TASP1: variants seen among roughly 807,000 people sequenced by gnomAD.
The protein encoded by TASP1 is threonine aspartase 1.
In TASP1, 16 loss-of-function variants were observed where a neutral mutation model predicts 56.6. The ratio of observed to expected loss-of-function variants is 0.28; its 90% confidence interval spans 0.19 to 0.43. TASP1 has a LOEUF of 0.43. Among genes scored for constraint, TASP1 ranks in the 20% least tolerant of loss-of-function variants. TASP1 has a pLI of 1.00. For synonymous variants in TASP1, 179 were observed against 184.2 expected (o/e 0.97, Z 0.23); for missense variants, 393 against 511.6 (o/e 0.77, Z 2.24).
chr20:13,403,782 T>G (rs998095944), intron 13 of TASP1, among the ~76,000 whole-genome samples: 7 of 152,100 alleles, frequency 4.6e-5, no homozygotes, highest in African/African-American at 1.7e-4. Flanking sequence ...CTAGGGAGGC[T>G]GAGGCTGGAG....
the TASP1 span, among the ~76,000 whole-genome samples, chr20:13,210,621 G>A: frequency 7.4e-6 from 1 of 135,362 alleles, no homozygotes; most frequent in Non-Finnish European, 1.7e-5. Context: ...GCACACGTGT[G>A]TGTGTGTGTG....
At chr20:13,352,114 T>G in the TASP1 span, among the ~76,000 whole-genome samples, 8 of 152,182 alleles carry the variant, frequency 5.3e-5, no homozygotes, top group Non-Finnish European at 8.8e-5. Context: ...TCTAGAATAA[T>G]GAGAAATCAA....
chr20:13,598,168 A>G (rs2047816178), intron 4 of TASP1, among the ~76,000 whole-genome samples: 1 of 152,212 alleles, frequency 6.6e-6, no homozygotes, highest in African/African-American at 2.4e-5. Flanking sequence ...TCTTTACAGA[A>G]TTGGAAAAAC....
At chr20:13,179,703 G>A in the TASP1 span, among the ~76,000 whole-genome samples, 1 of 152,092 alleles carries the variant, frequency 6.6e-6, no homozygotes, top group Non-Finnish European at 1.5e-5. Flanking sequence ...CAGACATGGA[G>A]TGCCCGTCAC....
intron 12 of TASP1, among the ~76,000 whole-genome samples, chr20:13,433,298 GTTTTATGTAAACCCCATGT>G (rs2146176340): frequency 6.6e-6 from 1 of 152,122 alleles, no homozygotes; most frequent in South Asian, 2.1e-4. Context: ...CCCTGCAAAG[GTTTTATGTAAACCCCATGT>G]CCATCCTCTG....
chr20:13,362,439 TTCCTGGCTCA>T, the TASP1 span, among the ~76,000 whole-genome samples: 5 of 147,888 alleles, frequency 3.4e-5, no homozygotes, highest in African/African-American at 1.3e-4. Context: ...GAAAGTCCTT[TTCCTGGCTCA>T]TCCTGGCTCA....
intron 1 of TASP1, among the ~76,000 whole-genome samples, chr20:13,634,293 A>T (rs1254447873): frequency 6.6e-6 from 1 of 152,246 alleles, no homozygotes; most frequent in Non-Finnish European, 1.5e-5. Context: ...CACATATTAT[A>T]TGATTCCATT....
chr20:13,192,755 G>A, the TASP1 span, among the ~76,000 whole-genome samples: 1 of 151,418 alleles, frequency 6.6e-6, no homozygotes, highest in Non-Finnish European at 1.5e-5. Context: ...TAGAGAAAGG[G>A]TCTCACTATG....
At chr20:13,360,628 G>T in the TASP1 span, among the ~76,000 whole-genome samples, 1 of 152,174 alleles carries the variant, frequency 6.6e-6, no homozygotes, top group Non-Finnish European at 1.5e-5. Context: ...TACTTTCAGA[G>T]GCCCTCAAAA....
At chr20:13,270,943 T>C in the TASP1 span, among the ~76,000 whole-genome samples, 1 of 152,220 alleles carries the variant, frequency 6.6e-6, no homozygotes, top group African/African-American at 2.4e-5. Flanking sequence ...CACAATTATT[T>C]TGTGAACCAC....
At chr20:13,538,953 T>C (rs1208642014) in intron 8 of TASP1, among the ~76,000 whole-genome samples, 1 of 151,838 alleles carries the variant, frequency 6.6e-6, no homozygotes, top group Non-Finnish European at 1.5e-5. Flanking sequence ...GAGGCTGGGA[T>C]GGGAGAATCG....
At chr20:13,472,183 A>T (rs2044530486) in intron 11 of TASP1, among the ~76,000 whole-genome samples, 1 of 150,878 alleles carries the variant, frequency 6.6e-6, no homozygotes, top group African/African-American at 2.5e-5. Context: ...AACACCATGC[A>T]TCTACAACCA....
chr20:13,373,448 T>C, the TASP1 span, among the ~76,000 whole-genome samples: 1 of 107,746 alleles, frequency 9.3e-6, no homozygotes, highest in Non-Finnish European at 1.9e-5. Context: ...TAGCAGCAAA[T>C]TCTTTCAGTT....
the TASP1 span, among the ~76,000 whole-genome samples, chr20:13,125,475 T>G: frequency 6.6e-6 from 1 of 152,236 alleles, no homozygotes; most frequent in African/African-American, 2.4e-5. Context: ...TCGTTTTTGC[T>G]GTGTAACAAA....
chr20:13,105,162 G>A, the TASP1 span, among the ~76,000 whole-genome samples: 1 of 152,234 alleles, frequency 6.6e-6, no homozygotes, highest in African/African-American at 2.4e-5. Context: ...AGAGGAACAT[G>A]CCAGGGGCTA....
At chr20:13,224,103 T>C in the TASP1 span, among the ~76,000 whole-genome samples, 2 of 152,062 alleles carry the variant, frequency 1.3e-5, no homozygotes, top group African/African-American at 4.8e-5. Context: ...CTCCTAGAAA[T>C]ATCTTGAGTC....
intron 13 of TASP1, among the ~76,000 whole-genome samples, chr20:13,412,405 A>G (rs1400877543): frequency 1.3e-5 from 2 of 152,156 alleles, no homozygotes; most frequent in Admixed American, 6.5e-5. Flanking sequence ...GTTTTTCTCT[A>G]CCTAATAACT....
At chr20:13,222,874 C>G in the TASP1 span, among the ~76,000 whole-genome samples, 1 of 152,152 alleles carries the variant, frequency 6.6e-6, no homozygotes. Flanking sequence ...CTCCTAAAAT[C>G]TGCTCAAACC....
chr20:13,340,969 G>A, the TASP1 span, among the ~76,000 whole-genome samples: 1 of 152,188 alleles, frequency 6.6e-6, no homozygotes, highest in Non-Finnish European at 1.5e-5. Flanking sequence ...TTCAAGTATT[G>A]TGACTACAAA....
Sources: allele counts gnomAD v4.1 joint callset (sites outside exome capture counted in the v4.1 genomes callset), GRCh38; gene constraint gnomAD v4.1.1; transcripts MANE v1.5; gene names NCBI Gene and HGNC (gene_info 2026-07-23, HGNC 2026-07-21).